Variants in GATAD2A observed in about 807,000 individuals in gnomAD.
GATAD2A encodes transcriptional repressor p66-alpha.
A neutral mutation model predicts 68.5 loss-of-function variants in GATAD2A; 12 were observed. The observed-to-expected ratio is 0.18, with a 90% CI of 0.11 to 0.28. GATAD2A has a LOEUF of 0.28. GATAD2A is among the 10% of genes least tolerant of loss of function. GATAD2A has a pLI of 1.00. For synonymous variants in GATAD2A, 410 were observed against 375.3 expected (o/e 1.09, Z -1.07); for missense variants, 755 against 868.5 (o/e 0.87, Z 1.64).
intron 1 of GATAD2A, among the ~76,000 whole-genome samples, chr19:19,443,507 A>G (rs1173687892): frequency 1.3e-5 from 2 of 152,224 alleles, no homozygotes; most frequent in African/African-American, 2.4e-5. Flanking sequence ...TGTTGTGGTC[A>G]TGCTTGTTCT....
intron 2 of GATAD2A, chr19:19,474,079 T>C (rs1034681754): frequency 1.0e-6 from 1 of 985,122 alleles, no homozygotes; most frequent in African/African-American, 1.7e-5. Flanking sequence ...TGGACGGCTT[T>C]GTTTTGTTCT....
At chr19:19,416,415 T>C (rs2051650956) in intron 1 of GATAD2A, among the ~76,000 whole-genome samples, 1 of 152,184 alleles carries the variant, frequency 6.6e-6, no homozygotes, top group South Asian at 2.1e-4. Flanking sequence ...AAGACTGGAC[T>C]GAAGGCCTTT....
chr19:19,476,127 G>T (rs2058664427), intron 2 of GATAD2A, among the ~76,000 whole-genome samples: 1 of 152,176 alleles, frequency 6.6e-6, no homozygotes, highest in African/African-American at 2.4e-5. Context: ...GACAGTGCAG[G>T]CTCTCTGGGG....
intron 1 of GATAD2A, among the ~76,000 whole-genome samples, chr19:19,399,880 G>A (rs1041620393): frequency 3.8e-4 from 58 of 152,070 alleles, no homozygotes; most frequent in Non-Finnish European, 1.6e-4. Flanking sequence ...TTAAAAATAC[G>A]TTTTTCTGCA....
At chr19:19,499,149 G>A (rs568183341) in intron 8 of GATAD2A, among the ~76,000 whole-genome samples, 1 of 152,214 alleles carries the variant, frequency 6.6e-6, no homozygotes, top group South Asian at 2.1e-4. Flanking sequence ...ACTGCCCAGG[G>A]GCAGGCTCGC....
intron 1 of GATAD2A, among the ~76,000 whole-genome samples, chr19:19,420,268 C>T (rs1211501042): frequency 6.7e-6 from 1 of 148,316 alleles, no homozygotes; most frequent in Non-Finnish European, 1.5e-5. Context: ...GGTGATCCGC[C>T]CGCCTCGGCC....
intron 1 of GATAD2A, among the ~76,000 whole-genome samples, chr19:19,432,719 G>A (rs2053893421): frequency 6.6e-6 from 1 of 152,246 alleles, no homozygotes; most frequent in Non-Finnish European, 1.5e-5. Context: ...AAAGTGGGGA[G>A]GGTCCTAGTG....
chr19:19,462,692 G>T (rs2057542982), intron 1 of GATAD2A, among the ~76,000 whole-genome samples: 1 of 152,236 alleles, frequency 6.6e-6, no homozygotes, highest in Non-Finnish European at 1.5e-5. Context: ...GCTCTGCTGG[G>T]CACCTGAGGC....
At chr19:19,440,556 C>T in intron 1 of GATAD2A, 1 of 171,016 alleles carries the variant, frequency 5.8e-6, no homozygotes, top group South Asian at 1.1e-4. Flanking sequence ...CCGTGCCCAG[C>T]CACTCATTTT....
chr19:19,505,916 CCT>C lies in GATAD2A; in HGVS notation c.*443_*444del, dbSNP rs1942276819. The C allele has an allele frequency of 2.5e-6, 1 of 399,228 alleles. No individual in the cohort carries two copies. Among genetic ancestry groups the C allele is most frequent in the Non-Finnish European group, 4.4e-6 (1 of 226,426 alleles). The allele number at this position is 399,228 out of a possible 1,614,324, so 24.7% of individuals were successfully genotyped here. On this transcript the variant is annotated 3_prime_UTR_variant, in exon 12 of 12. Transcript: ENST00000683918. ...GGGGTGTTTCATTTTTTTGCTTTTCCCTGTCTTAGGCTCCCAGTCTTTGACTG... is the reference window on the plus strand; with the variant it reads ...GGGGTGTTTCATTTTTTTGCTTTTCCGTCTTAGGCTCCCAGTCTTTGACTG...
At chr19:19,424,908 G>A (rs933521833) in intron 1 of GATAD2A, among the ~76,000 whole-genome samples, 21 of 151,806 alleles carry the variant, frequency 1.4e-4, no homozygotes, top group Non-Finnish European at 2.9e-4. Flanking sequence ...GAAGCTAGGA[G>A]TTTGAGACCA....
chr19:19,479,590 G>C (rs901016257), intron 2 of GATAD2A, among the ~76,000 whole-genome samples: 1 of 152,198 alleles, frequency 6.6e-6, no homozygotes, highest in African/African-American at 2.4e-5. Flanking sequence ...TCAGTGCATT[G>C]GGATTTGTCA....
chr19:19,388,303 G>A (rs1179573506), intron 1 of GATAD2A, among the ~76,000 whole-genome samples: 3 of 151,582 alleles, frequency 2.0e-5, no homozygotes, highest in Admixed American at 6.6e-5. Flanking sequence ...GTGATCCGCC[G>A]GCCTCGGCCT....
intron 1 of GATAD2A, among the ~76,000 whole-genome samples, chr19:19,410,158 G>C (rs1314221392): frequency 6.6e-6 from 1 of 152,174 alleles, no homozygotes; most frequent in Non-Finnish European, 1.5e-5. Context: ...GAGTTTGTCA[G>C]GGAACTTGCC....
chr19:19,432,106 G>T (rs1252527960), intron 1 of GATAD2A, among the ~76,000 whole-genome samples: 2 of 152,136 alleles, frequency 1.3e-5, no homozygotes, highest in East Asian at 1.9e-4. Context: ...CTCCCGAGCA[G>T]CTGGGATTAC....
intron 1 of GATAD2A, chr19:19,440,166 A>G (rs976314101): frequency 2.4e-6 from 1 of 418,082 alleles, no homozygotes; most frequent in Non-Finnish European, 4.8e-6. Flanking sequence ...CAAGCAGAAA[A>G]AAGAACAATG....
In GATAD2A at chr19:19,411,500, G is replaced by A. The variant is rs577511730; in HGVS notation, c.-7+5481G>A. Among the ~76,000 whole-genome samples the A allele has an allele frequency of 6.6e-5, 10 of 152,316 alleles. No individual in the cohort carries two copies. The South Asian group carries it at 2.1e-3, about 32-fold the overall frequency. On this transcript the variant is annotated intron_variant, in intron 1 of 11. Coordinates refer to ENST00000683918, the MANE Select transcript of GATAD2A (RefSeq NM_001384528.1). ...GGAGGCTGGAAGTAGGTGGTTTGAT[G>A]GTACTTGCAGTGGTGTCTGGGAGCG...
At chr19:19,406,739 A>G (rs1367297391) in intron 1 of GATAD2A, among the ~76,000 whole-genome samples, 3 of 152,228 alleles carry the variant, frequency 2.0e-5, no homozygotes, top group African/African-American at 7.2e-5. Context: ...ATTATTGCCA[A>G]GAATCGGAAT....
At chr19:19,484,984 A>G (rs936592288) in intron 2 of GATAD2A, among the ~76,000 whole-genome samples, 5 of 152,132 alleles carry the variant, frequency 3.3e-5, no homozygotes, top group Admixed American at 2.0e-4. Context: ...CTCCTTTTCC[A>G]TGGGACCCTC....
Sources: allele counts gnomAD v4.1 joint callset (sites outside exome capture counted in the v4.1 genomes callset), GRCh38; gene constraint gnomAD v4.1.1; transcripts MANE v1.5; gene names NCBI Gene and HGNC (gene_info 2026-07-23, HGNC 2026-07-21).